Variants in GNAL observed in about 807,000 individuals in gnomAD.
The protein encoded by GNAL is G protein subunit alpha L.
Under a neutral mutation model 55.1 loss-of-function variants are expected in GNAL, and 18 were observed. The observed-to-expected ratio is 0.33, with a 90% confidence interval of 0.23 to 0.48. The LOEUF (loss-of-function observed/expected upper bound fraction) is 0.48, where lower values mean the gene tolerates loss of function less well. Ranked by LOEUF, GNAL falls within the 20% of genes least tolerant of loss-of-function variation. The probability of loss-of-function intolerance (pLI) is 0.99; values close to 1 mark genes in which losing one functional copy is unlikely to be tolerated. For missense variants in GNAL, 412 were observed against 614.1 expected (o/e 0.67, Z 3.48); for synonymous variants, 253 against 237.0 (o/e 1.07, Z -0.62).
intron 4 of GNAL, among the ~76,000 whole-genome samples, chr18:11,763,051 A>G (rs943222917): frequency 6.6e-6 from 1 of 152,244 alleles, no homozygotes; most frequent in Non-Finnish European, 1.5e-5. Flanking sequence ...CAATAAAGAT[A>G]CTTTTCTTAA....
At chr18:11,712,776 C>G (rs951394767) in intron 1 of GNAL, among the ~76,000 whole-genome samples, 1 of 152,186 alleles carries the variant, frequency 6.6e-6, no homozygotes, top group African/African-American at 2.4e-5. Flanking sequence ...CTGGTCAGGT[C>G]TCTCAGAAAA....
At chr18:11,749,341 C>T (rs1288775712) in intron 1 of GNAL, among the ~76,000 whole-genome samples, 1 of 152,062 alleles carries the variant, frequency 6.6e-6, no homozygotes, top group African/African-American at 2.4e-5. Flanking sequence ...TTCTGCCTGT[C>T]TAGAAAAGTA....
At chr18:11,828,265 A>T (rs564963233) in intron 5 of GNAL, among the ~76,000 whole-genome samples, 2 of 151,806 alleles carry the variant, frequency 1.3e-5, no homozygotes, top group Non-Finnish European at 2.9e-5. Flanking sequence ...GAAGCTGGGC[A>T]TGGTGGCACA....
intron 1 of GNAL, among the ~76,000 whole-genome samples, chr18:11,725,421 C>A (rs2032190567): frequency 6.6e-6 from 1 of 152,162 alleles, no homozygotes; most frequent in African/African-American, 2.4e-5. Context: ...AACTTCTAAG[C>A]TCCAAAATTG....
chr18:11,877,278 AC>A (rs1246630559), intron 11 of GNAL, among the ~76,000 whole-genome samples: 5 of 152,064 alleles, frequency 3.3e-5, no homozygotes, highest in African/African-American at 1.2e-4. Flanking sequence ...ACATGGTGAA[AC>A]CCCATCTCTA....
intron 1 of GNAL, among the ~76,000 whole-genome samples, chr18:11,718,196 AAAG>A (rs1276003273): frequency 6.6e-6 from 1 of 152,238 alleles, no homozygotes; most frequent in Admixed American, 6.5e-5. Context: ...AAGTAAGGAT[AAAG>A]AAGAAAAATG....
At position 11,768,901 on chromosome 18, in the gene GNAL, A is replaced by T. The variant is rs1398610971; in HGVS notation, c.624+14956A>T. On this transcript the variant is annotated intron_variant, in intron 4 of 11. Transcript: ENST00000334049. Reference sequence around the variant, plus strand: ...GGAGCAAGACTCTGTCTCAAAAAAAAAAAAAAATATATATATAACATATTA... The same window carrying T: ...GGAGCAAGACTCTGTCTCAAAAAAATAAAAAAATATATATATAACATATTA... Among the ~76,000 whole-genome samples, 140 of 129,886 alleles carry T rather than the reference A, an allele frequency of 1.1e-3. 6 individuals carry two copies. Among genetic ancestry groups the T allele is most frequent in the East Asian group, 4.6e-3 (23 of 5,002 alleles). 85.2% of individuals were successfully genotyped at this position (129,886 alleles called of 152,430 possible).
intron 1 of GNAL, among the ~76,000 whole-genome samples, chr18:11,724,470 G>A (rs906036801): frequency 2.6e-5 from 4 of 152,208 alleles, no homozygotes; most frequent in African/African-American, 9.6e-5. Flanking sequence ...CAGTGCTGTA[G>A]CTGTTCTCTT....
At position 11,697,666 on chromosome 18, in the gene GNAL, G is replaced by A. The variant is rs184465737; in HGVS notation, c.376+7727G>A. Among the ~76,000 whole-genome samples the A allele has an allele frequency of 1.8e-3, 267 of 152,248 alleles. 2 individuals are homozygous for A. Among genetic ancestry groups the A allele is most frequent in the African/African-American group, 6.0e-3 (249 of 41,560 alleles). On this transcript the variant is annotated intron_variant, in intron 1 of 11. Coordinates refer to ENST00000334049, the MANE Select transcript of GNAL (RefSeq NM_182978.4). ...GTGGGTGTGGGCAAAACGGAATCCCGGGAACCTGGTGACTGATGAGATGGA... is the reference window on the plus strand; with the variant it reads ...GTGGGTGTGGGCAAAACGGAATCCCAGGAACCTGGTGACTGATGAGATGGA...
chr18:11,880,823 C>T (rs1263868853), intron 11 of GNAL, among the ~76,000 whole-genome samples, 166 bp from the exon 12 acceptor site: 2 of 152,106 alleles, frequency 1.3e-5, no homozygotes, highest in African/African-American at 4.8e-5. Flanking sequence ...TATCTGGGTC[C>T]TCGGCCGATG....
At chr18:11,694,387 C>T (rs962817159) in intron 1 of GNAL, among the ~76,000 whole-genome samples, 1 of 152,210 alleles carries the variant, frequency 6.6e-6, no homozygotes, top group African/African-American at 2.4e-5. Flanking sequence ...CTTTCCTGCA[C>T]AGGACGTAGC....
chr18:11,866,913 G>T (rs1043679575), intron 7 of GNAL, among the ~76,000 whole-genome samples: 1 of 152,042 alleles, frequency 6.6e-6, no homozygotes, highest in Non-Finnish European at 1.5e-5. Context: ...AGACACTGCC[G>T]GCTGCTGTCT....
At chr18:11,779,738 G>A (rs1484866792) in intron 4 of GNAL, among the ~76,000 whole-genome samples, 2 of 152,164 alleles carry the variant, frequency 1.3e-5, no homozygotes, top group Non-Finnish European at 2.9e-5. Context: ...GAAACTGGGG[G>A]ATCACAGTGA....
At chr18:11,723,431 G>T (rs1017912200) in intron 1 of GNAL, among the ~76,000 whole-genome samples, 4 of 152,164 alleles carry the variant, frequency 2.6e-5, no homozygotes, top group African/African-American at 9.7e-5. Flanking sequence ...ACAGGCCTTG[G>T]TTTGCTAATC....
chr18:11,878,552 A>G (rs1374497657), intron 11 of GNAL, among the ~76,000 whole-genome samples: 1 of 152,192 alleles, frequency 6.6e-6, no homozygotes, highest in Non-Finnish European at 1.5e-5. Context: ...TCACACTATT[A>G]CAGAAGAAAG....
rs114571428 is a variant in GNAL, at chr18:11,864,497, A to G, written c.778-36A>G. On this transcript the variant is annotated intron_variant, in intron 6 of 11. Transcript: ENST00000334049. ...GGCTTTACCTTGAAGAAGAACAGTAATGTAACTCAGCTTGTTTCCCTCTTC... is the reference window on the plus strand; with the variant it reads ...GGCTTTACCTTGAAGAAGAACAGTAGTGTAACTCAGCTTGTTTCCCTCTTC... The G allele has an allele frequency of 7.5e-4, 785 of 1,051,932 alleles. 6 individuals carry two copies. The African/African-American group carries it at 0.011, about 15-fold the overall frequency. The allele number at this position is 1,051,932 out of a possible 1,614,324, so 65.2% of individuals were successfully genotyped here.
rs1442193911 is a variant in GNAL, at chr18:11,882,218, A to G, written c.*1083A>G. 6.6e-6 allele frequency: 1 copy of G among 151,808 alleles called. No homozygotes were observed. The highest frequency in any genetic ancestry group is 1.5e-5 in the Non-Finnish European group (1 of 67,828). 9.4% of individuals were successfully genotyped at this position (151,808 alleles called of 1,614,324 possible). On this transcript the variant is annotated 3_prime_UTR_variant, in exon 12 of 12. Coordinates refer to ENST00000334049, the MANE Select transcript of GNAL (RefSeq NM_182978.4). The stretch of plus-strand genomic sequence containing the variant: ...ACTCAATTCAGGGGTACAAATTGCA[A>G]TCTAATCTTTTCAGGGAACCAGGGA...
chr18:11,774,146 T>C (rs754542441), intron 4 of GNAL, among the ~76,000 whole-genome samples: 6 of 152,134 alleles, frequency 3.9e-5, no homozygotes, highest in Non-Finnish European at 8.8e-5. Context: ...TAATGTTATG[T>C]GTGTGTGCTG....
intron 4 of GNAL, among the ~76,000 whole-genome samples, chr18:11,798,697 T>C (rs1568032451): frequency 6.6e-6 from 1 of 152,234 alleles, no homozygotes; most frequent in African/African-American, 2.4e-5. Context: ...TTTTGAAAGA[T>C]GTTAAATGCC....
Sources: gnomAD v4.1 joint callset for allele counts (sites outside exome capture counted in the v4.1 genomes callset) on GRCh38, gnomAD v4.1.1 for gene constraint, MANE v1.5 for transcripts, NCBI Gene and HGNC (gene_info 2026-07-23, HGNC 2026-07-21) for gene names.